PARD3: variants seen among roughly 807,000 people sequenced by gnomAD.
PARD3 encodes partitioning defective 3 homolog.
In PARD3, 75 loss-of-function variants were observed where a neutral mutation model predicts 155.4. The observed-to-expected ratio is 0.48, with a 90% CI of 0.40 to 0.58. The LOEUF is 0.58. Among genes scored for constraint, PARD3 ranks in the 20% least tolerant of loss-of-function variants. The probability of loss-of-function intolerance (pLI) is 0.00; values close to 1 mark genes in which losing one functional copy is unlikely to be tolerated. For missense variants in PARD3, 1,642 were observed against 1,721.7 expected (o/e 0.95, Z 0.82); for synonymous variants, 576 against 610.5 (o/e 0.94, Z 0.83).
intron 2 of PARD3, among the ~76,000 whole-genome samples, chr10:34,535,555 T>C (rs1331177800): frequency 6.6e-6 from 1 of 152,182 alleles, no homozygotes; most frequent in South Asian, 2.1e-4. Flanking sequence ...GGCGCAATCT[T>C]AGCTCACTGC....
chr10:34,769,506 G>C (rs1039213392), intron 1 of PARD3, among the ~76,000 whole-genome samples: 1 of 151,416 alleles, frequency 6.6e-6, no homozygotes, highest in African/African-American at 2.4e-5. Context: ...CATACCTCCC[G>C]GCACTTTGGG....
chr10:34,470,195 T>G lies in PARD3; in HGVS notation c.472A>C (p.Ser158Arg), dbSNP rs1248543346. The G allele has an allele frequency of 2.5e-6, 4 of 1,613,258 alleles. No individual in the cohort carries two copies. The highest frequency in any genetic ancestry group is 2.7e-5 in the African/African-American group (2 of 74,910). The change falls in exon 4 of 25, where the codon AGT becomes CGT. Residue 158 changes from serine to arginine, a missense_variant. Around this residue, in one of 3 missense-constraint regions of PARD3, gnomAD observed 1,529 missense variants for 1,587.3 expected, o/e 0.96. Coordinates refer to ENST00000374788, the MANE Select transcript of PARD3 (RefSeq NM_001184785.2). ...LIGLSTSVSD[S>R]NFSSEEPSRK... ...GAAGGCTCTTCAGAGGAAAAATTAC[T>G]ATCACTGACAGAAGTGGAGAGGCCA... is the stretch of plus-strand genomic sequence containing the variant.
intron 22 of PARD3, among the ~76,000 whole-genome samples, chr10:34,157,122 A>T (rs1949047097): frequency 6.6e-6 from 1 of 152,112 alleles, no homozygotes; most frequent in Non-Finnish European, 1.5e-5. Flanking sequence ...CGTACAAAAG[A>T]ACACGCGTTA....
chr10:34,405,929 C>G (rs949732285), intron 5 of PARD3, among the ~76,000 whole-genome samples: 1 of 152,170 alleles, frequency 6.6e-6, no homozygotes, highest in Non-Finnish European at 1.5e-5. Context: ...TTATACCTAT[C>G]TTGCTCTACA....
chr10:34,739,140 A>G (rs1338646730), intron 1 of PARD3, among the ~76,000 whole-genome samples: 2 of 152,200 alleles, frequency 1.3e-5, no homozygotes, highest in Non-Finnish European at 2.9e-5. Flanking sequence ...ACTAAATGCA[A>G]TGTAGCCCTC....
At chr10:34,302,708 G>C (rs1369043207) in intron 20 of PARD3, among the ~76,000 whole-genome samples, 14 of 152,184 alleles carry the variant, frequency 9.2e-5, no homozygotes, top group Non-Finnish European at 1.5e-5. Flanking sequence ...ATCAAAAAAG[G>C]TTAAATCCCA....
intron 9 of PARD3, 62 bp from the exon 10 acceptor site, chr10:34,378,168 T>A: frequency 8.0e-7 from 1 of 1,242,946 alleles, no homozygotes; most frequent in South Asian, 1.4e-5. Context: ...TACAGGTGTA[T>A]TGCACCAGTA....
At chr10:34,666,797 A>AAAAAAAAAAAATATATATG (rs71033331) in intron 2 of PARD3, among the ~76,000 whole-genome samples, 2 of 65,094 alleles carry the variant, frequency 3.1e-5, no homozygotes, top group African/African-American at 1.3e-4. Flanking sequence ...AAAAAAAAAA[A>AAAAAAAAAAAATATATATG]TATATATATA....
At chr10:34,750,887 C>T (rs1835949545) in intron 1 of PARD3, among the ~76,000 whole-genome samples, 1 of 152,070 alleles carries the variant, frequency 6.6e-6, no homozygotes, top group South Asian at 2.1e-4. Flanking sequence ...CGGGGTTTTG[C>T]CATGTTGGCC....
At chr10:34,190,609 C>T (rs1257106131) in intron 22 of PARD3, among the ~76,000 whole-genome samples, 1 of 152,140 alleles carries the variant, frequency 6.6e-6, no homozygotes, top group East Asian at 1.9e-4. Flanking sequence ...AGTCTTATCT[C>T]TGGGCACCTT....
chr10:34,502,995 A>C (rs138732151), intron 3 of PARD3, among the ~76,000 whole-genome samples: 2 of 152,222 alleles, frequency 1.3e-5, no homozygotes, highest in African/African-American at 2.4e-5. Context: ...AATTAAATGC[A>C]GTTTTATGCC....
chr10:34,145,213 A>T (rs1237798628), intron 22 of PARD3, among the ~76,000 whole-genome samples: 141 of 63,960 alleles, frequency 2.2e-3, no homozygotes, highest in African/African-American at 0.012. Flanking sequence ...ATATATATAT[A>T]TATATATATT....
chr10:34,242,117 T>G (rs533054708), intron 22 of PARD3, among the ~76,000 whole-genome samples: 14 of 152,318 alleles, frequency 9.2e-5, no homozygotes, highest in African/African-American at 3.4e-4. Flanking sequence ...CGCATTTGAA[T>G]TCACTCCTGG....
chr10:34,117,199 T>A (rs988510206), intron 24 of PARD3, among the ~76,000 whole-genome samples: 3 of 152,208 alleles, frequency 2.0e-5, no homozygotes, highest in African/African-American at 7.2e-5. Context: ...ACACACTTTG[T>A]TATGTTTCTC....
At chr10:34,677,955 T>C (rs1035025909) in intron 2 of PARD3, among the ~76,000 whole-genome samples, 31 of 152,242 alleles carry the variant, frequency 2.0e-4, no homozygotes, top group African/African-American at 7.2e-4. Flanking sequence ...GGAATCTTTA[T>C]AACACTGTTA....
At chr10:34,359,844 G>A (rs533809502) in intron 13 of PARD3, among the ~76,000 whole-genome samples, 1 of 152,230 alleles carries the variant, frequency 6.6e-6, no homozygotes, top group Admixed American at 6.5e-5. Flanking sequence ...CATTTAACTA[G>A]CATGTCAATG....
rs1173283584 is a variant in PARD3 at position 34,395,843 on chromosome 10, CAAAAAAAAAAAA to C, written c.890+3475_890+3486del. ...TGGGCGACAGAGCGAGACTCCGTCT[CAAAAAAAAAAAA>C]AAAAAAAAAAAAGAAAAACATCATC... On this transcript the variant is annotated intron_variant, in intron 7 of 24. Coordinates refer to ENST00000374788, the MANE Select transcript of PARD3 (RefSeq NM_001184785.2). Among the ~76,000 whole-genome samples the C allele has an allele frequency of 3.0e-4, 7 of 23,298 alleles. 1 individual carries two copies. Among genetic ancestry groups the C allele is most frequent in the East Asian group, 1.1e-3 (1 of 938 alleles). The allele number at this position is 23,298 out of a possible 152,430, so 15.3% of individuals were successfully genotyped here.
At chr10:34,755,668 T>C (rs2133979511) in intron 1 of PARD3, among the ~76,000 whole-genome samples, 1 of 152,092 alleles carries the variant, frequency 6.6e-6, no homozygotes, top group East Asian at 1.9e-4. Context: ...AAGAACAGTC[T>C]CTCCTCAAGA....
intron 22 of PARD3, among the ~76,000 whole-genome samples, chr10:34,145,221 A>ATATTTTT (rs1491430560): frequency 8.8e-5 from 3 of 33,968 alleles, no homozygotes; most frequent in Non-Finnish European, 1.5e-4. Context: ...ATATATATAT[A>ATATTTTT]TTTTTTTTTT....
Sources: allele counts gnomAD v4.1 joint callset (sites outside exome capture counted in the v4.1 genomes callset), GRCh38; gene constraint gnomAD v4.1.1; regional missense constraint gnomAD v4.1.1; transcripts MANE v1.5; gene names NCBI Gene and HGNC (gene_info 2026-07-23, HGNC 2026-07-21).